SEPTIN10: variants seen among roughly 807,000 people sequenced by gnomAD.
SEPTIN10 encodes the protein septin-10.
A neutral mutation model predicts 54.8 loss-of-function variants in SEPTIN10; 66 were observed. The ratio of observed to expected loss-of-function variants is 1.21; its 90% CI spans 0.99 to 1.48. SEPTIN10 has a LOEUF of 1.48. Ranked by LOEUF, SEPTIN10 falls within the 40% of genes most tolerant of loss-of-function variation. The pLI is 0.00. For missense variants in SEPTIN10, 620 were observed against 545.6 expected (o/e 1.14, Z -1.36); for synonymous variants, 161 against 181.0 (o/e 0.89, Z 0.89).
At chr2:109,599,972 A>G (rs1411794286) in intron 1 of SEPTIN10, among the ~76,000 whole-genome samples, 2 of 152,064 alleles carry the variant, frequency 1.3e-5, no homozygotes. Flanking sequence ...CGCCATTCTG[A>G]TTCTCCCTTC....
chr2:109,554,647 C>G (rs1192675115), intron 8 of SEPTIN10, among the ~76,000 whole-genome samples: 1 of 152,168 alleles, frequency 6.6e-6, no homozygotes, highest in East Asian at 1.9e-4. Flanking sequence ...CAGACAGTGG[C>G]CATCGCCGGG....
chr2:109,601,783 C>T (rs1303992884), intron 1 of SEPTIN10, among the ~76,000 whole-genome samples: 1 of 149,354 alleles, frequency 6.7e-6, no homozygotes, highest in Non-Finnish European at 1.5e-5. Flanking sequence ...AAAAAAGCAA[C>T]TAAATCTTCC....
chr2:109,568,062 C>T, intron 5 of SEPTIN10, 86 bp from the exon 6 acceptor site: 1 of 1,065,762 alleles, frequency 9.4e-7, no homozygotes, highest in East Asian at 2.6e-5. Context: ...ACTGTTCATT[C>T]TGACAATGAA....
At chr2:109,544,943 A>C in intron 10 of SEPTIN10, 1 of 984,674 alleles carries the variant, frequency 1.0e-6, no homozygotes, top group East Asian at 1.1e-4. Flanking sequence ...ACAAACAAAC[A>C]AACAAAAATA....
intron 8 of SEPTIN10, among the ~76,000 whole-genome samples, chr2:109,560,723 A>C (rs750439759): frequency 2.0e-4 from 30 of 152,120 alleles, no homozygotes; most frequent in African/African-American, 3.6e-4. Flanking sequence ...CACACACACA[A>C]AAAAGCTAGT....
intron 9 of SEPTIN10, among the ~76,000 whole-genome samples, chr2:109,549,300 G>A (rs879791564): frequency 2.6e-5 from 4 of 152,138 alleles, no homozygotes; most frequent in Non-Finnish European, 4.4e-5. Context: ...TCAAATGGAG[G>A]TTGCATACCT....
chr2:109,577,751 A>C (rs1690041275), intron 4 of SEPTIN10, among the ~76,000 whole-genome samples: 1 of 151,832 alleles, frequency 6.6e-6, no homozygotes, highest in Admixed American at 6.6e-5. Flanking sequence ...CATCTCCACT[A>C]AAAATACAAA....
At chr2:109,569,003 C>A (rs1049969096) in intron 5 of SEPTIN10, among the ~76,000 whole-genome samples, 5 of 152,186 alleles carry the variant, frequency 3.3e-5, no homozygotes, top group Non-Finnish European at 7.3e-5. Context: ...AATATCCCCA[C>A]AAAAGACTGA....
intron 1 of SEPTIN10, among the ~76,000 whole-genome samples, chr2:109,603,242 T>G (rs865874140): frequency 2.0e-5 from 3 of 151,968 alleles, no homozygotes; most frequent in Non-Finnish European, 4.4e-5. Context: ...TTAATATTAT[T>G]ATTTTTTTTT....
Position 109,613,262 on chromosome 2 carries a change from C to T in SEPTIN10, c.30+536G>A, listed in dbSNP as rs533115460. ...GTTCAAAACAGTGAACAAACGCGTT[C>T]TTTTAGAGTACAAAAGAGTCAAGGC... On this transcript the variant is annotated intron_variant, in intron 1 of 10. Coordinates refer to ENST00000397712, the MANE Select transcript of SEPTIN10 (RefSeq NM_144710.5). 1.9e-4 allele frequency: 196 copies of T among 1,027,900 alleles called. 2 individuals are homozygous for T. The Middle Eastern group carries it at 3.8e-3, about 20-fold the overall frequency. The allele number at this position is 1,027,900 out of a possible 1,614,324, so 63.7% of individuals were successfully genotyped here. A position where few individuals can be genotyped will look rare whatever the true frequency, so the allele number is the denominator to read the frequency against.
chr2:109,577,895 G>T (rs1159245447), intron 4 of SEPTIN10, among the ~76,000 whole-genome samples: 2 of 122,416 alleles, frequency 1.6e-5, no homozygotes, highest in Non-Finnish European at 3.2e-5. Context: ...CCTGGGTGAC[G>T]AAGTGAGACT....
intron 1 of SEPTIN10, among the ~76,000 whole-genome samples, chr2:109,600,061 GC>G (rs1696280568): frequency 6.6e-6 from 1 of 152,174 alleles, no homozygotes; most frequent in African/African-American, 2.4e-5. Context: ...GGAATCTGCT[GC>G]AGTATAGACC....
chr2:109,551,621 A>C (rs1054314823), intron 9 of SEPTIN10, among the ~76,000 whole-genome samples: 1 of 152,228 alleles, frequency 6.6e-6, no homozygotes, highest in African/African-American at 2.4e-5. Context: ...GGTATCCTAT[A>C]CTTTCACTTT....
rs558563057 is a variant in SEPTIN10, at chr2:109,592,408, TA to T, written c.99+642del. On this transcript the variant is annotated intron_variant, in intron 2 of 10. Transcript: ENST00000397712. ...TGAACCCGGGAGGCAGAGGTTGCAG[TA>T]AGCTGAGATTGCACCATCGCATTCC... Among the ~76,000 whole-genome samples the T allele has an allele frequency of 2.1e-3, 325 of 151,926 alleles. 2 individuals are homozygous for T. The highest frequency in any genetic ancestry group is 3.0e-3 in the Non-Finnish European group (207 of 67,964).
intron 5 of SEPTIN10, among the ~76,000 whole-genome samples, chr2:109,570,308 T>C (rs901843365): frequency 2.0e-5 from 3 of 152,172 alleles, no homozygotes; most frequent in Non-Finnish European, 2.9e-5. Context: ...TTGGTTTGAA[T>C]GAAATAAGGT....
chr2:109,586,922 T>C (rs1206580177), intron 2 of SEPTIN10, among the ~76,000 whole-genome samples: 2 of 151,996 alleles, frequency 1.3e-5, no homozygotes, highest in African/African-American at 4.8e-5. Context: ...AGAACAAAGT[T>C]CAAGACTCTG....
intron 10 of SEPTIN10, chr2:109,544,584 T>C (rs567652253): frequency 6.7e-5 from 65 of 975,976 alleles, no homozygotes; most frequent in Middle Eastern, 1.1e-3. Context: ...ACAAGGTAAA[T>C]GTAAATTATC....
intron 6 of SEPTIN10, 80 bp from the exon 7 acceptor site, chr2:109,565,939 G>A: frequency 5.6e-6 from 7 of 1,245,776 alleles, no homozygotes; most frequent in Middle Eastern, 1.9e-4. Context: ...TGAGAGAGAA[G>A]AGAATAATTA....
intron 5 of SEPTIN10, among the ~76,000 whole-genome samples, chr2:109,573,064 T>C (rs1688780598): frequency 6.6e-6 from 1 of 152,230 alleles, no homozygotes; most frequent in African/African-American, 2.4e-5. Flanking sequence ...CAAACTTCTA[T>C]GGCAGATAGG....
Sources: gnomAD v4.1 joint callset for allele counts (sites outside exome capture counted in the v4.1 genomes callset) on GRCh38, gnomAD v4.1.1 for gene constraint, MANE v1.5 for transcripts, NCBI Gene and HGNC (gene_info 2026-07-23, HGNC 2026-07-21) for gene names.